Variants in VEGFA observed in about 807,000 individuals in gnomAD.
VEGFA encodes vascular endothelial growth factor A, also known as vascular endothelial growth factor A, long form.
In VEGFA, 20 loss-of-function variants were observed where a neutral mutation model predicts 49.7. That is an observed-to-expected ratio of 0.40 (90% CI 0.28 to 0.58). The LOEUF is 0.58. Ranked by LOEUF, VEGFA falls within the 20% of genes least tolerant of loss-of-function variation. The pLI is 0.40. For missense variants in VEGFA, 505 were observed against 553.5 expected, an observed-to-expected ratio of 0.91 and a Z score of 0.88; for synonymous variants, 219 against 223.4, an observed-to-expected ratio of 0.98 and a Z score of 0.18.
rs551190051 is a variant in VEGFA at position 43,774,318 on chromosome 6, C to A, written c.607-23C>A. On this transcript the variant is annotated intron_variant, in intron 1 of 7. Coordinates refer to ENST00000672860, the MANE Select transcript of VEGFA (RefSeq NM_003376.6). ...ACCCCAGCCCCTGCCCATGCCCATG[C>A]CTTGCTCTCTTTCTGTCCTCAGTGG... 24 of 1,613,934 alleles carry A rather than the reference C, an allele frequency of 1.5e-5. No homozygotes were observed. In the South Asian group the frequency reaches 2.3e-4, roughly 16 times the overall value.
Position 43,781,771 on chromosome 6 carries a change from T to A in VEGFA, c.1035-185T>A, listed in dbSNP as rs1004786095. On this transcript the variant is annotated intron_variant, in intron 6 of 7. Transcript: ENST00000672860. ...TTCCTGCGGCAGGTGTCCTAGCCAG[T>A]GCTGCCTCTTTCCGCCGCTCTCTCT... 83 of 716,824 alleles carry A rather than the reference T, an allele frequency of 1.2e-4. 1 individual carries two copies. The highest frequency in any genetic ancestry group is 1.1e-3 in the South Asian group (64 of 60,864). The allele number at this position is 716,824 out of a possible 1,614,324, so 44.4% of individuals were successfully genotyped here.
rs1766196591 is a variant in VEGFA, at chr6:43,778,441, C to T, written c.856-19C>T. 4 of 1,613,326 alleles carry T rather than the reference C, an allele frequency of 2.5e-6. No homozygotes were observed. The highest frequency in any genetic ancestry group is 3.4e-6 in the Non-Finnish European group (4 of 1,179,344). On this transcript the variant is annotated intron_variant, in intron 3 of 7. Coordinates refer to ENST00000672860, the MANE Select transcript of VEGFA (RefSeq NM_003376.6). ...TGGCTGGGTCACTAACCTCTGTGAT[C>T]TGCTTCCTTCCTTTCCAGATTATGC...
chr6:43,780,938 C>T (rs1767450576), intron 6 of VEGFA, 135 bp downstream of exon 6: 14 of 1,594,212 alleles, frequency 8.8e-6, no homozygotes, highest in Non-Finnish European at 9.4e-6. Flanking sequence ...GCCCGTGTCT[C>T]TCTCTCACTC....
Position 43,780,713 on chromosome 6 carries a change from CTG to C in VEGFA, c.963-17_963-16del. 1 of 1,597,518 alleles carries C rather than the reference CTG, an allele frequency of 6.3e-7. No individual in the cohort carries two copies. The highest frequency in any genetic ancestry group is 8.5e-7 in the Non-Finnish European group (1 of 1,170,802). ...CACCGCCCCCGCTCTCTCTCTGTCT[CTG>C]TTTTTTTATTTTCCAGAAAATCAGT... On this transcript the variant is annotated splice_polypyrimidine_tract_variant and intron_variant, in intron 5 of 7. Coordinates refer to ENST00000672860, the MANE Select transcript of VEGFA (RefSeq NM_003376.6).
rs937984256 is a variant in VEGFA, at chr6:43,778,787, T to G, written c.933-102T>G. ...TAAAACAGTGTTGCTCCATAATAAA[T>G]GCTGTTTTTACTGTGATTATTATTG... On this transcript the variant is annotated intron_variant, in intron 4 of 7. Coordinates refer to ENST00000672860, the MANE Select transcript of VEGFA (RefSeq NM_003376.6). 2.7e-5 allele frequency: 35 copies of G among 1,319,922 alleles called. No homozygotes were observed. In the East Asian group the frequency reaches 7.4e-4, roughly 28 times the overall value. 81.8% of individuals were successfully genotyped at this position (1,319,922 alleles called of 1,614,324 possible).
intron 1 of VEGFA, among the ~76,000 whole-genome samples, chr6:43,772,971 C>T (rs760178567): frequency 3.9e-5 from 6 of 152,118 alleles, no homozygotes; most frequent in Non-Finnish European, 8.8e-5. Flanking sequence ...ATGAAATTTC[C>T]GTCCCCTTTC....
chr6:43,770,599 G>A lies in VEGFA; in HGVS notation c.-108G>A. ...GGGGTCAGAGAGAGCGCGCGGGCGT[G>A]CGAGCAGCGAAAGCGACAGGGGCAA... On this transcript the variant is annotated 5_prime_UTR_variant, in exon 1 of 8. Coordinates refer to ENST00000672860, the MANE Select transcript of VEGFA (RefSeq NM_003376.6). 7.0e-7 allele frequency: 1 copy of A among 1,425,466 alleles called. No individual in the cohort carries two copies. Among genetic ancestry groups the A allele is most frequent in the South Asian group, 1.5e-5 (1 of 68,530 alleles). The allele number at this position is 1,425,466 out of a possible 1,614,324, so 88.3% of individuals were successfully genotyped here.
Position 43,784,959 on chromosome 6 carries a change from C to G in VEGFA, c.*397C>G, listed in dbSNP as rs538948863. ...ATTATATATATATAAAAATAAATAT[C>G]TCTATTTTATATATATAAAATATAT... is the stretch of plus-strand genomic sequence containing the variant. On this transcript the variant is annotated 3_prime_UTR_variant, in exon 8 of 8. Coordinates refer to ENST00000672860, the MANE Select transcript of VEGFA (RefSeq NM_003376.6). 4.0e-5 allele frequency: 7 copies of G among 176,908 alleles called. No homozygotes were observed. In the East Asian group the frequency reaches 6.9e-4, roughly 18 times the overall value. The allele number at this position is 176,908 out of a possible 1,614,324, so 11.0% of individuals were successfully genotyped here. A position where few individuals can be genotyped will look rare whatever the true frequency, so the allele number is the denominator to read the frequency against.
At chr6:43,771,910 T>C (rs2127999762) in intron 1 of VEGFA, 1 of 604,352 alleles carries the variant, frequency 1.7e-6, no homozygotes, top group Non-Finnish European at 2.1e-6. Context: ...ACCCCGCCCG[T>C]CCCCGCTCGC....
chr6:43,771,654 G>A (rs564114663), intron 1 of VEGFA, among the ~76,000 whole-genome samples: 1 of 152,298 alleles, frequency 6.6e-6, no homozygotes, highest in East Asian at 1.9e-4. Flanking sequence ...GCTCCCGGCC[G>A]CTGGTCCCGG....
Position 43,784,813 on chromosome 6 carries a change from A to G in VEGFA, c.*251A>G, listed in dbSNP as rs1769182490. On this transcript the variant is annotated 3_prime_UTR_variant, in exon 8 of 8. Transcript: ENST00000672860. The stretch of plus-strand genomic sequence containing the variant: ...GTGACCCAGCACGGTCCCTCTTGGA[A>G]TTGGATTCGCCATTTTATTTTTCTT... 3 of 650,968 alleles carry G rather than the reference A, an allele frequency of 4.6e-6. No individual in the cohort carries two copies. The highest frequency in any genetic ancestry group is 2.5e-5 in the Admixed American group (1 of 39,788). 40.3% of individuals were successfully genotyped at this position (650,968 alleles called of 1,614,324 possible).
chr6:43,781,133 C>T (rs1295205587), intron 6 of VEGFA: 3 of 551,716 alleles, frequency 5.4e-6, no homozygotes, highest in Non-Finnish European at 9.7e-6. Context: ...CAGGTGCCTG[C>T]TCACCCAACT....
At chr6:43,780,115 T>TCC in intron 5 of VEGFA, 8 of 209,454 alleles carry the variant, frequency 3.8e-5, no homozygotes, top group South Asian at 3.4e-4. Flanking sequence ...TGCCTCCCAG[T>TCC]CCAGGTCGTG....
chr6:43,777,751 C>T lies in VEGFA; in HGVS notation c.855+86C>T. 7.0e-7 allele frequency: 1 copy of T among 1,421,516 alleles called. No individual in the cohort carries two copies. Among genetic ancestry groups the T allele is most frequent in the Non-Finnish European group, 9.5e-7 (1 of 1,047,992 alleles). 88.1% of individuals were successfully genotyped at this position (1,421,516 alleles called of 1,614,324 possible). ...CAGGTGGTCCCAGGTCGTTTCCTGG[C>T]TAGATTTGCCTTGTCTGGCTCCTGC... is the stretch of plus-strand genomic sequence containing the variant. On this transcript the variant is annotated intron_variant, in intron 3 of 7. Coordinates refer to ENST00000672860, the MANE Select transcript of VEGFA (RefSeq NM_003376.6). This position sits in a 1 kb window ranked among gnomAD's most constrained non-coding sequence, Gnocchi z 4.3.
chr6:43,786,203 TCTG>T lies in VEGFA; in HGVS notation c.*1642_*1644del, dbSNP rs1769425501. The T allele has an allele frequency of 5.6e-6, 1 of 177,200 alleles. No homozygotes were observed. Among genetic ancestry groups the T allele is most frequent in the Non-Finnish European group, 1.2e-5 (1 of 82,648 alleles). 11.0% of individuals were successfully genotyped at this position (177,200 alleles called of 1,614,324 possible). On this transcript the variant is annotated 3_prime_UTR_variant, in exon 8 of 8. Transcript: ENST00000672860. ...ATTCTGATAAAATAGACATTGCTAT[TCTG>T]TTTTTTATATGTAAAAACAAAACAA...
rs3025002 is a variant in VEGFA at position 43,778,627 on chromosome 6, C to T, written c.932+91C>T. ...TAAGCATGCTGTACTTTTTGGCCCC[C>T]GTCCAGCTTCCCGCTATGTGACCTT... is the stretch of plus-strand genomic sequence containing the variant. On this transcript the variant is annotated intron_variant, in intron 4 of 7. Coordinates refer to ENST00000672860, the MANE Select transcript of VEGFA (RefSeq NM_003376.6). 1,261 of 1,354,256 alleles carry T rather than the reference C, an allele frequency of 9.3e-4. 10 individuals are homozygous for T. In the African/African-American group the frequency reaches 0.016, roughly 17 times the overall value. 83.9% of individuals were successfully genotyped at this position (1,354,256 alleles called of 1,614,324 possible). A position where few individuals can be genotyped will look rare whatever the true frequency, so the allele number is the denominator to read the frequency against.
At chr6:43,784,412 C>A in intron 7 of VEGFA, 129 bp from the exon 8 acceptor site, 1 of 901,682 alleles carries the variant, frequency 1.1e-6, no homozygotes, top group Non-Finnish European at 1.9e-6. Flanking sequence ...ACCTTCCTGT[C>A]CTCTCTGCTC....
At chr6:43,780,553 ACGCCTGTGTG>A in intron 5 of VEGFA, 169 bp from the exon 6 acceptor site, 1 of 790,316 alleles carries the variant, frequency 1.3e-6, no homozygotes, top group Non-Finnish European at 2.1e-6. Flanking sequence ...CTGCCCAGAC[ACGCCTGTGTG>A]CGCCCGCGCA....
intron 4 of VEGFA, 87 bp downstream of exon 4, chr6:43,778,623 C>A (rs754067253): frequency 7.9e-5 from 111 of 1,399,170 alleles, no homozygotes; most frequent in Non-Finnish European, 1.1e-4. Flanking sequence ...TACTTTTTGG[C>A]CCCCGTCCAG....
Sources: gnomAD v4.1 joint callset for allele counts (sites outside exome capture counted in the v4.1 genomes callset) on GRCh38, gnomAD v4.1.1 for gene constraint, Gnocchi (gnomAD v3.1) non-coding constraint, MANE v1.5 for transcripts, NCBI Gene and HGNC (gene_info 2026-07-23, HGNC 2026-07-21) for gene names.